NPAS3: variants seen among roughly 807,000 people sequenced by gnomAD.
NPAS3 encodes neuronal PAS domain protein 3.
NPAS3 carries 14 observed loss-of-function variants against 73.1 expected under a neutral mutation model. That is an observed-to-expected ratio of 0.19 (90% CI 0.13 to 0.30). NPAS3 has a LOEUF of 0.30. Ranked by LOEUF, NPAS3 falls within the 10% of genes least tolerant of loss-of-function variation. The pLI is 1.00. For synonymous variants in NPAS3, 620 were observed against 541.5 expected, an observed-to-expected ratio of 1.14 and a Z score of -2.01; for missense variants, 1,096 against 1,250.0, an observed-to-expected ratio of 0.88 and a Z score of 1.86.
chr14:33,179,764 G>A (rs1285893785), intron 2 of NPAS3, among the ~76,000 whole-genome samples: 1 of 152,166 alleles, frequency 6.6e-6, no homozygotes, highest in East Asian at 1.9e-4. Context: ...ACAGTAAAGA[G>A]TGGAGGAATG....
At chr14:33,290,364 C>T (rs183227083) in intron 3 of NPAS3, among the ~76,000 whole-genome samples, 9 of 152,214 alleles carry the variant, frequency 5.9e-5, no homozygotes, top group South Asian at 4.1e-4. Flanking sequence ...CTAGGAAATA[C>T]GGCAAAACTA....
intron 1 of NPAS3, among the ~76,000 whole-genome samples, chr14:32,999,018 T>A (rs1448827547): frequency 6.6e-6 from 1 of 152,182 alleles, no homozygotes; most frequent in Non-Finnish European, 1.5e-5. Context: ...CATGTTTCTA[T>A]TCCTCATGCC....
At chr14:33,200,095 C>A (rs1450611131) in intron 2 of NPAS3, among the ~76,000 whole-genome samples, 1 of 151,836 alleles carries the variant, frequency 6.6e-6, no homozygotes, top group Non-Finnish European at 1.5e-5. Flanking sequence ...CCATAGTGAG[C>A]TGATTGAACT....
At chr14:33,729,747 C>T (rs969949088) in intron 6 of NPAS3, among the ~76,000 whole-genome samples, 1 of 152,120 alleles carries the variant, frequency 6.6e-6, no homozygotes. Context: ...CACACACCAT[C>T]GATTCCACCA....
chr14:33,751,633 C>T (rs116194698), intron 7 of NPAS3, among the ~76,000 whole-genome samples: 47 of 152,254 alleles, frequency 3.1e-4, no homozygotes, highest in Middle Eastern at 3.4e-3. Flanking sequence ...ACATTTCAGG[C>T]GCCCACAGTT....
Position 33,498,924 on chromosome 14 carries a change from GAC to G in NPAS3, c.469-61195_469-61194del, listed in dbSNP as rs1445011114. Reference sequence around the variant, plus strand: ...CAGTTTTAAATGAATGAGAGAGAGAGACAGAGAGAGAGTGTGTGTGTGTGTGT... The same window carrying G: ...CAGTTTTAAATGAATGAGAGAGAGAGAGAGAGAGAGTGTGTGTGTGTGTGT... On this transcript the variant is annotated intron_variant, in intron 4 of 11. Transcript: ENST00000356141. 1.6e-3 allele frequency among the ~76,000 whole-genome samples: 182 copies of G among 111,564 alleles called. 1 individual carries two copies. Among genetic ancestry groups the G allele is most frequent in the Admixed American group, 0.014 (155 of 11,252 alleles). 73.2% of individuals were successfully genotyped at this position (111,564 alleles called of 152,430 possible).
intron 1 of NPAS3, among the ~76,000 whole-genome samples, chr14:33,020,985 A>T (rs1414269923): frequency 6.7e-6 from 1 of 148,824 alleles, no homozygotes; most frequent in Non-Finnish European, 1.5e-5. Flanking sequence ...TGGTCTTAAA[A>T]CTCCTGACCG....
intron 4 of NPAS3, among the ~76,000 whole-genome samples, chr14:33,446,072 C>T (rs1302375818): frequency 1.3e-5 from 2 of 151,786 alleles, no homozygotes; most frequent in African/African-American, 2.4e-5. Context: ...TTCTGATGTT[C>T]CGTTTGAGTC....
chr14:33,706,729 T>C lies in NPAS3; in HGVS notation c.734-28485T>C, dbSNP rs373802675. Among the ~76,000 whole-genome samples, 152 of 152,306 alleles carry C rather than the reference T, an allele frequency of 1.0e-3. 3 individuals are homozygous for C. Among genetic ancestry groups the C allele is most frequent in the African/African-American group, 3.4e-3 (143 of 41,572 alleles). On this transcript the variant is annotated intron_variant, in intron 6 of 11. Transcript: ENST00000356141. Reference sequence around the variant, plus strand: ...TAATCCTAGGAGCGCAGATTATTGTTCACCCCATTTCCAGATGATGGACTT... The same window carrying C: ...TAATCCTAGGAGCGCAGATTATTGTCCACCCCATTTCCAGATGATGGACTT...
At chr14:33,265,496 A>G (rs943110094) in intron 3 of NPAS3, among the ~76,000 whole-genome samples, 2 of 32,508 alleles carry the variant, frequency 6.2e-5, no homozygotes, top group Non-Finnish European at 3.5e-4. Context: ...AGAGCAATGC[A>G]TTACATTTTT....
chr14:33,354,989 G>C (rs1488472884), intron 3 of NPAS3, among the ~76,000 whole-genome samples: 1 of 152,082 alleles, frequency 6.6e-6, no homozygotes, highest in Non-Finnish European at 1.5e-5. Context: ...GTCCCTCTGT[G>C]CTCTAACTTT....
At chr14:33,291,159 C>T (rs1482912997) in intron 3 of NPAS3, among the ~76,000 whole-genome samples, 1 of 152,062 alleles carries the variant, frequency 6.6e-6, no homozygotes, top group African/African-American at 2.4e-5. Flanking sequence ...AGCACAACCC[C>T]ATGCTTAATT....
In NPAS3 at chr14:33,273,590, C is replaced by T. The variant is rs183247422; in HGVS notation, c.385+58164C>T. Among the ~76,000 whole-genome samples, 596 of 152,256 alleles carry T rather than the reference C, an allele frequency of 3.9e-3. 12 individuals carry two copies. The highest frequency in any genetic ancestry group is 7.1e-4 in the Non-Finnish European group (48 of 68,024). ...CTAAGAGATACTTAAGATTATGACTCTGATTCAGAAACTAAATCTGTAGTC... is the reference window on the plus strand; with the variant it reads ...CTAAGAGATACTTAAGATTATGACTTTGATTCAGAAACTAAATCTGTAGTC... On this transcript the variant is annotated intron_variant, in intron 3 of 11. Coordinates refer to ENST00000356141, the Ensembl canonical transcript of NPAS3.
At chr14:33,503,008 T>TACA (rs201731673) in intron 4 of NPAS3, among the ~76,000 whole-genome samples, 1 of 151,662 alleles carries the variant, frequency 6.6e-6, no homozygotes, top group Admixed American at 6.6e-5. Context: ...CTTGTTGCCT[T>TACA]TTCTTCATGA....
chr14:33,462,303 T>G (rs149838282), intron 4 of NPAS3, among the ~76,000 whole-genome samples: 33 of 152,242 alleles, frequency 2.2e-4, no homozygotes, highest in African/African-American at 7.9e-4. Flanking sequence ...ACTATGATAG[T>G]CATTATTGCT....
chr14:33,171,977 AG>A (rs1262422665), intron 2 of NPAS3, among the ~76,000 whole-genome samples: 1 of 152,038 alleles, frequency 6.6e-6, no homozygotes, highest in Non-Finnish European at 1.5e-5. Flanking sequence ...TCCTGAGGAG[AG>A]GGAGAGATGA....
At chr14:33,104,578 G>C (rs968697961) in intron 2 of NPAS3, among the ~76,000 whole-genome samples, 12 of 152,202 alleles carry the variant, frequency 7.9e-5, no homozygotes, top group African/African-American at 2.7e-4. Flanking sequence ...GTATTAGCCA[G>C]AGGCCAAAAT....
intron 3 of NPAS3, among the ~76,000 whole-genome samples, chr14:33,251,382 A>G (rs73254944): frequency 0.032 from 4,854 of 152,120 alleles, 149 homozygotes; most frequent in East Asian, 0.14. Flanking sequence ...ACCTCCATAT[A>G]CAGAAGTCAA....
chr14:33,542,851 C>T (rs74846740), intron 4 of NPAS3, among the ~76,000 whole-genome samples: 1,536 of 152,294 alleles, frequency 0.01, 28 homozygotes, highest in African/African-American at 0.035. Flanking sequence ...ACACTGTGAC[C>T]ACTGCTTGCC....
Sources: gnomAD v4.1 joint callset for allele counts (sites outside exome capture counted in the v4.1 genomes callset) on GRCh38, gnomAD v4.1.1 for gene constraint, MANE v1.5 for transcripts, NCBI Gene and HGNC (gene_info 2026-07-23, HGNC 2026-07-21) for gene names.